The following MRAP2 variants were observed in gnomAD, a reference collection of about 807,000 sequenced individuals.
MRAP2 encodes melanocortin-2 receptor accessory protein 2.
MRAP2 carries 20 observed loss-of-function variants against 17.4 expected under a neutral mutation model. The observed-to-expected ratio is 1.15, with a 90% confidence interval of 0.81 to 1.67. MRAP2 has a LOEUF of 1.67. Ranked by LOEUF, MRAP2 falls within the 40% of genes most tolerant of loss-of-function variation. The pLI, the probability that MRAP2 is intolerant of heterozygous loss-of-function variation, is 0.00. For missense variants in MRAP2, 238 were observed against 240.0 expected, an observed-to-expected ratio of 0.99 and a Z score of 0.05; for synonymous variants, 96 against 88.4, an observed-to-expected ratio of 1.09 and a Z score of -0.48.
the MRAP2 span, among the ~76,000 whole-genome samples, chr6:84,136,231 G>A: frequency 2.0e-5 from 3 of 151,502 alleles, no homozygotes; most frequent in East Asian, 5.8e-4. Context: ...TTGGTTTAGA[G>A]GTGGGCACAT....
intron 3 of MRAP2, among the ~76,000 whole-genome samples, chr6:84,071,806 G>T (rs1352096058): frequency 2.0e-5 from 3 of 151,986 alleles, no homozygotes; most frequent in Admixed American, 6.6e-5. Flanking sequence ...TGTTGGATTG[G>T]GTTAATTCGA....
chr6:84,129,375 G>A, the MRAP2 span, among the ~76,000 whole-genome samples: 2 of 152,014 alleles, frequency 1.3e-5, no homozygotes, highest in Admixed American at 6.6e-5. Flanking sequence ...TTTAATGATC[G>A]CCATTCTAAC....
At chr6:84,080,418 A>G (rs2099498685) in intron 3 of MRAP2, among the ~76,000 whole-genome samples, 1 of 152,158 alleles carries the variant, frequency 6.6e-6, no homozygotes, top group Non-Finnish European at 1.5e-5. Context: ...CTTTCTCAAA[A>G]GTCATCACTG....
At chr6:84,054,778 A>G (rs73752616) in intron 1 of MRAP2, among the ~76,000 whole-genome samples, 3,505 of 152,214 alleles carry the variant, frequency 0.023, 123 homozygotes, top group African/African-American at 0.079. Context: ...CTCCACACAT[A>G]GGCTGATTGC....
intron 3 of MRAP2, among the ~76,000 whole-genome samples, chr6:84,064,839 G>A (rs561725448): frequency 6.6e-6 from 1 of 152,310 alleles, no homozygotes; most frequent in East Asian, 1.9e-4. Context: ...CAGCCTGGCA[G>A]CAGCTCTCTT....
At chr6:84,062,831 T>G (rs755582095) in intron 2 of MRAP2, 62 bp from the exon 3 acceptor site, 1 of 1,608,542 alleles carries the variant, frequency 6.2e-7, no homozygotes, top group African/African-American at 1.3e-5. Flanking sequence ...AAGCTCTGAT[T>G]CTTGAATGTT....
chr6:84,088,240 CTTT>C (rs1248398114), intron 3 of MRAP2, among the ~76,000 whole-genome samples: 1 of 152,202 alleles, frequency 6.6e-6, no homozygotes, highest in East Asian at 1.9e-4. Flanking sequence ...GGCAATCCTT[CTTT>C]AAGTCTGGAA....
chr6:84,037,504 G>A (rs745613656), intron 1 of MRAP2, among the ~76,000 whole-genome samples: 17 of 152,224 alleles, frequency 1.1e-4, no homozygotes, highest in Non-Finnish European at 7.3e-5. Context: ...GGCGGTTGAT[G>A]GGACCAGGCG....
Position 84,039,052 on chromosome 6 carries a change from A to T in MRAP2, c.-8+5169A>T, listed in dbSNP as rs147282913. Among the ~76,000 whole-genome samples the T allele has an allele frequency of 9.1e-3, 1,383 of 152,342 alleles. 15 individuals are homozygous for T. Among genetic ancestry groups the T allele is most frequent in the South Asian group, 0.033 (160 of 4,824 alleles). ...TTTTGACAAAGGAAGACTTAGAGGC[A>T]GAAGCAGTTAGAAAAGGAAAGAAAA... is the stretch of plus-strand genomic sequence containing the variant. On this transcript the variant is annotated intron_variant, in intron 1 of 3. Transcript: ENST00000257776.
chr6:84,129,954 G>A, the MRAP2 span, among the ~76,000 whole-genome samples: 3 of 152,244 alleles, frequency 2.0e-5, no homozygotes, highest in East Asian at 5.8e-4. Context: ...TCTTCAAAGG[G>A]AATGCTTCCA....
the MRAP2 span, among the ~76,000 whole-genome samples, chr6:84,129,920 G>C: frequency 1.3e-5 from 2 of 152,286 alleles, no homozygotes; most frequent in Admixed American, 6.5e-5. Flanking sequence ...AGTGGTGAGA[G>C]AGGGCATCCT....
the MRAP2 span, among the ~76,000 whole-genome samples, chr6:84,100,864 G>A: frequency 6.6e-6 from 1 of 152,032 alleles, no homozygotes; most frequent in African/African-American, 2.4e-5. Context: ...TTGCAGGAGT[G>A]AGCCCTGTAT....
At chr6:84,084,894 TTTTATTTTATTTTATTTTA>T (rs1562891592) in intron 3 of MRAP2, among the ~76,000 whole-genome samples, 9 of 134,336 alleles carry the variant, frequency 6.7e-5, no homozygotes, top group African/African-American at 2.8e-4. Context: ...TTTTATTTTA[TTTTATTTTATTTTATTTTA>T]TTTATTTATT....
the MRAP2 span, among the ~76,000 whole-genome samples, chr6:84,102,982 G>A: frequency 1.3e-5 from 2 of 152,154 alleles, no homozygotes; most frequent in Non-Finnish European, 2.9e-5. Context: ...TTCAGTAATG[G>A]TGGTAGCTAT....
the MRAP2 span, among the ~76,000 whole-genome samples, chr6:84,130,583 T>C: frequency 6.6e-5 from 10 of 152,310 alleles, no homozygotes; most frequent in South Asian, 2.1e-3. Flanking sequence ...CGTTTAGACT[T>C]GGGAGGGTGT....
intron 3 of MRAP2, among the ~76,000 whole-genome samples, chr6:84,067,334 A>G (rs1011236318): frequency 1.1e-4 from 17 of 152,214 alleles, no homozygotes; most frequent in African/African-American, 3.4e-4. Flanking sequence ...TTGTGCTGCT[A>G]TAAGCATGTG....
At chr6:84,124,017 C>T in the MRAP2 span, among the ~76,000 whole-genome samples, 43 of 152,028 alleles carry the variant, frequency 2.8e-4, no homozygotes, top group Non-Finnish European at 5.7e-4. Context: ...GAGATACCAT[C>T]TTATACCAGT....
chr6:84,111,050 G>A, the MRAP2 span, among the ~76,000 whole-genome samples: 1 of 152,080 alleles, frequency 6.6e-6, no homozygotes, highest in Non-Finnish European at 1.5e-5. Context: ...CTTCAGTTTT[G>A]TTCTTTTTGC....
the MRAP2 span, among the ~76,000 whole-genome samples, chr6:84,101,938 T>A: frequency 2.6e-5 from 4 of 152,226 alleles, no homozygotes; most frequent in African/African-American, 9.6e-5. Context: ...TGCTCTGGAA[T>A]ATCCCAGGGA....
Sources: allele counts gnomAD v4.1 joint callset (sites outside exome capture counted in the v4.1 genomes callset), GRCh38; gene constraint gnomAD v4.1.1; transcripts MANE v1.5; gene names NCBI Gene and HGNC (gene_info 2026-07-23, HGNC 2026-07-21).